The following ACOXL variants were observed in gnomAD, a reference collection of about 807,000 sequenced individuals.
The protein encoded by ACOXL is acyl-coenzyme A oxidase-like protein.
ACOXL carries 70 observed loss-of-function variants against 71.9 expected under a neutral mutation model. That is an observed-to-expected ratio of 0.97 (90% CI 0.80 to 1.19). The LOEUF (loss-of-function observed/expected upper bound fraction) is 1.19. ACOXL is among the 50% of genes most tolerant of loss of function. The probability of loss-of-function intolerance (pLI) is 0.00; values close to 1 mark genes in which losing one functional copy is unlikely to be tolerated. For missense variants in ACOXL, 703 were observed against 736.3 expected, an observed-to-expected ratio of 0.95 and a Z score of 0.52; for synonymous variants, 253 against 281.6, an observed-to-expected ratio of 0.90 and a Z score of 1.02.
At chr2:110,920,333 G>A (rs1057317629) in intron 11 of ACOXL, among the ~76,000 whole-genome samples, 45 of 152,268 alleles carry the variant, frequency 3.0e-4, no homozygotes, top group African/African-American at 1.1e-3. Context: ...AACTAATAAT[G>A]TTTAGTGTCT....
chr2:110,976,810 A>G (rs1031165968), intron 12 of ACOXL, among the ~76,000 whole-genome samples: 2 of 152,212 alleles, frequency 1.3e-5, no homozygotes, highest in African/African-American at 4.8e-5. Context: ...TTTCTTCTTG[A>G]AACAAGAGAA....
intron 12 of ACOXL, among the ~76,000 whole-genome samples, chr2:110,935,617 G>A (rs1003664572): frequency 6.6e-6 from 1 of 152,204 alleles, no homozygotes; most frequent in Admixed American, 6.5e-5. Context: ...CAGGCACGCT[G>A]CCTCACAGAA....
intron 10 of ACOXL, among the ~76,000 whole-genome samples, chr2:110,851,429 G>A (rs1692586857): frequency 6.6e-6 from 1 of 152,178 alleles, no homozygotes; most frequent in Non-Finnish European, 1.5e-5. Flanking sequence ...CGTGCCCAGG[G>A]TGAGGCCTTT....
intron 11 of ACOXL, among the ~76,000 whole-genome samples, chr2:110,915,348 ATATGTG>A (rs1344169588): frequency 3.3e-4 from 42 of 127,164 alleles, no homozygotes; most frequent in East Asian, 1.2e-3. Flanking sequence ...ATATATATAT[ATATGTG>A]TGTGTGTGTG....
chr2:110,807,443 A>G (rs1013645567), intron 9 of ACOXL, among the ~76,000 whole-genome samples: 3 of 152,222 alleles, frequency 2.0e-5, no homozygotes, highest in Non-Finnish European at 2.9e-5. Flanking sequence ...AAAGGAAGAC[A>G]TGGGCATTCC....
At chr2:110,831,547 A>G (rs1313583383) in intron 9 of ACOXL, among the ~76,000 whole-genome samples, 4 of 152,242 alleles carry the variant, frequency 2.6e-5, no homozygotes, top group South Asian at 2.1e-4. Flanking sequence ...TGCAATTCCT[A>G]TCAAAATCTC....
intron 9 of ACOXL, among the ~76,000 whole-genome samples, chr2:110,826,967 G>T (rs564525067): frequency 6.6e-6 from 1 of 152,150 alleles, no homozygotes. Context: ...GAGATGTGGT[G>T]TGGTGGCACC....
chr2:110,798,589 T>C (rs374936805), intron 5 of ACOXL, 21 bp from the exon 6 acceptor site: 58 of 1,592,150 alleles, frequency 3.6e-5, no homozygotes, highest in Non-Finnish European at 7.8e-6. Flanking sequence ...GAAACACTGT[T>C]GCTCTGCTTT....
intron 10 of ACOXL, among the ~76,000 whole-genome samples, chr2:110,898,744 A>G (rs34667727): frequency 0.041 from 6,203 of 152,276 alleles, 213 homozygotes; most frequent in African/African-American, 0.082. Flanking sequence ...AGCCAGTGCA[A>G]TAGGCAAGAA....
intron 15 of ACOXL, among the ~76,000 whole-genome samples, chr2:111,047,732 G>T (rs1368317355): frequency 1.3e-5 from 2 of 152,190 alleles, no homozygotes; most frequent in Non-Finnish European, 2.9e-5. Context: ...TTTTAAAAAA[G>T]ATTAAATTGA....
At position 111,049,259 on chromosome 2, in the gene ACOXL, G is replaced by A. The variant is rs768446652; in HGVS notation, c.1411G>A (p.Asp471Asn). The A allele has an allele frequency of 1.2e-6, 2 of 1,612,062 alleles. No individual in the cohort carries two copies. Among genetic ancestry groups the A allele is most frequent in the African/African-American group, 1.3e-5 (1 of 74,880 alleles). ...QFSLAVKSCPDQEDQTLLMKF... is the reference protein window; with the variant it reads ...QFSLAVKSCPNQEDQTLLMKF... ...CTCCCTAGCAGTGAAGAGCTGTCCT[G>A]ACCAAGAGGACCAGACTTTGTTAAT... The change falls in exon 16 of 18, where the codon GAC (aspartate) becomes AAC (asparagine). Residue 471 changes from aspartate to asparagine, a missense_variant. Transcript: ENST00000439055.
rs1573524710 is a variant in ACOXL, at chr2:110,789,806, T to A, written c.160-3844T>A. 3.3e-5 allele frequency among the ~76,000 whole-genome samples: 5 copies of A among 152,368 alleles called. 1 individual carries two copies. The highest frequency in any genetic ancestry group is 3.3e-4 in the Admixed American group (5 of 15,304). On this transcript the variant is annotated intron_variant, in intron 3 of 17. Coordinates refer to ENST00000439055, the MANE Select transcript of ACOXL (RefSeq NM_001142807.4). ...TTTTCCATTTGTGGAAATTTGCTCT[T>A]GGAATTAGGAAATCCTGAATACACT...
chr2:110,855,069 A>G (rs1208837284), intron 10 of ACOXL, among the ~76,000 whole-genome samples: 1 of 152,220 alleles, frequency 6.6e-6, no homozygotes, highest in Non-Finnish European at 1.5e-5. Flanking sequence ...GTAGGTAGGA[A>G]AAAAGGAAAC....
intron 10 of ACOXL, among the ~76,000 whole-genome samples, chr2:110,850,329 C>T (rs1245154436): frequency 6.6e-6 from 1 of 152,162 alleles, no homozygotes; most frequent in Non-Finnish European, 1.5e-5. Context: ...ACAAGCCACA[C>T]ATGGGGACAA....
intron 10 of ACOXL, among the ~76,000 whole-genome samples, chr2:110,856,593 G>T (rs1693278713): frequency 1.3e-5 from 2 of 152,220 alleles, no homozygotes; most frequent in African/African-American, 4.8e-5. Context: ...CTGTGAAATT[G>T]TGAAGAAGGA....
intron 11 of ACOXL, among the ~76,000 whole-genome samples, chr2:110,919,657 T>G (rs1427889037): frequency 6.6e-6 from 1 of 152,194 alleles, no homozygotes; most frequent in Admixed American, 6.5e-5. Flanking sequence ...TGTCTACCAC[T>G]TCAGTATCAA....
chr2:110,979,075 G>A (rs756124333), intron 12 of ACOXL, among the ~76,000 whole-genome samples: 1 of 150,892 alleles, frequency 6.6e-6, no homozygotes, highest in Non-Finnish European at 1.5e-5. Context: ...AGGTGAGAAT[G>A]GGATGGGAAA....
chr2:110,772,767 C>T (rs1682126431), intron 2 of ACOXL, among the ~76,000 whole-genome samples: 1 of 152,186 alleles, frequency 6.6e-6, no homozygotes, highest in Admixed American at 6.5e-5. Flanking sequence ...GTCCCCAATA[C>T]CCTTTCAGGT....
At chr2:111,052,554 GAT>G (rs748902326) in intron 16 of ACOXL, among the ~76,000 whole-genome samples, 6 of 152,206 alleles carry the variant, frequency 3.9e-5, no homozygotes, top group Non-Finnish European at 8.8e-5. Context: ...CCAAGGGTAA[GAT>G]AGCTGTTATC....
Sources: allele counts gnomAD v4.1 joint callset (sites outside exome capture counted in the v4.1 genomes callset), GRCh38; gene constraint gnomAD v4.1.1; transcripts MANE v1.5; gene names NCBI Gene and HGNC (gene_info 2026-07-23, HGNC 2026-07-21).